ATP2B4: variants seen among roughly 807,000 people sequenced by gnomAD.
The protein encoded by ATP2B4 is plasma membrane calcium-transporting ATPase 4.
ATP2B4 carries 39 observed loss-of-function variants against 110.3 expected under a neutral mutation model. That is an observed-to-expected ratio of 0.35 (90% confidence interval 0.27 to 0.46). ATP2B4 has a LOEUF of 0.46. Ranked by LOEUF, ATP2B4 falls within the 20% of genes least tolerant of loss-of-function variation. ATP2B4 has a pLI of 1.00. For missense variants in ATP2B4, 1,135 were observed against 1,530.9 expected (o/e 0.74, Z 4.32); for synonymous variants, 538 against 571.7 (o/e 0.94, Z 0.84).
At position 203,709,513 on chromosome 1, in the gene ATP2B4, C is replaced by T. The variant is rs1287944017; in HGVS notation, c.1770C>T (p.Ser590=). The T allele has an allele frequency of 6.2e-7, 1 of 1,614,184 alleles. No homozygotes were observed. Among genetic ancestry groups the T allele is most frequent in the East Asian group, 2.2e-5 (1 of 44,872 alleles). The change falls in exon 11 of 21, where the codon AGC becomes AGT. Residue 590 remains serine, a synonymous_variant. Coordinates refer to ENST00000357681, the MANE Select transcript of ATP2B4 (RefSeq NM_001684.5). ...CCAACGGTGGCTTCCGTATGTACAG[C>T]AAGGGCGCCTCTGAGATCATCTTGC... ...RNPNGGFRMY[S]KGASEIILRK...
chr1:203,659,290 C>T (rs1308706929), intron 1 of ATP2B4, among the ~76,000 whole-genome samples: 1 of 152,134 alleles, frequency 6.6e-6, no homozygotes, highest in Non-Finnish European at 1.5e-5. Flanking sequence ...TTGAGTAGCT[C>T]TTGTATTAAT....
intron 20 of ATP2B4, among the ~76,000 whole-genome samples, chr1:203,738,804 C>T (rs941378640): frequency 1.3e-5 from 2 of 152,216 alleles, no homozygotes; most frequent in African/African-American, 4.8e-5. Flanking sequence ...ATTTTATCTG[C>T]TGCTTCTAGG....
chr1:203,669,283 G>A (rs1158121564), intron 1 of ATP2B4, among the ~76,000 whole-genome samples: 1 of 152,180 alleles, frequency 6.6e-6, no homozygotes, highest in Admixed American at 6.5e-5. Flanking sequence ...CAGATCAAGG[G>A]AGATGTGCCA....
intron 1 of ATP2B4, among the ~76,000 whole-genome samples, chr1:203,642,260 T>A (rs879464733): frequency 9.1e-4 from 138 of 151,602 alleles, no homozygotes; most frequent in Non-Finnish European, 1.5e-3. Flanking sequence ...TAAAAAAAAA[T>A]TTTTTTTAGA....
intron 1 of ATP2B4, among the ~76,000 whole-genome samples, chr1:203,632,670 C>T (rs1348015314): frequency 6.6e-6 from 1 of 150,402 alleles, no homozygotes; most frequent in African/African-American, 2.4e-5. Context: ...AACCTTCATT[C>T]CCTGATTCTA....
At chr1:203,721,777 G>A (rs144926995) in intron 17 of ATP2B4, among the ~76,000 whole-genome samples, 1,991 of 149,348 alleles carry the variant, frequency 0.013, 18 homozygotes, top group Non-Finnish European at 0.021. Flanking sequence ...ATTTTCCTGC[G>A]TCAGCCTCCC....
chr1:203,663,970 C>T (rs1050960291), intron 1 of ATP2B4, among the ~76,000 whole-genome samples: 2 of 152,156 alleles, frequency 1.3e-5, no homozygotes, highest in Non-Finnish European at 2.9e-5. Context: ...TAGGCTCTTC[C>T]TGTGGTTGCA....
chr1:203,711,175 C>A, intron 12 of ATP2B4, 67 bp downstream of exon 12: 2 of 1,493,028 alleles, frequency 1.3e-6, no homozygotes, highest in Non-Finnish European at 1.9e-6. Context: ...CTAGTTGTGA[C>A]CCCAGGCAGG....
intron 1 of ATP2B4, among the ~76,000 whole-genome samples, chr1:203,631,059 C>T (rs914242040): frequency 6.6e-6 from 1 of 152,210 alleles, no homozygotes. Context: ...CTGCCTCTAC[C>T]TTAAGCCAGT....
At position 203,709,495 on chromosome 1, in the gene ATP2B4, T is replaced by C. The variant is rs765491727; in HGVS notation, c.1752T>C (p.Gly584=). 1 of 1,614,104 alleles carries C rather than the reference T, an allele frequency of 6.2e-7. No homozygotes were observed. Among genetic ancestry groups the C allele is most frequent in the South Asian group, 1.1e-5 (1 of 91,080 alleles). Residue 584 remains glycine (G), a synonymous_variant, in exon 11 of 21, where the codon GGT becomes GGC. Coordinates refer to ENST00000357681, the MANE Select transcript of ATP2B4 (RefSeq NM_001684.5). ...SMSTVIRNPN[G]GFRMYSKGAS... is the part of the protein sequence containing the mutation. ...GCACCGTCATCAGGAATCCCAACGGTGGCTTCCGTATGTACAGCAAGGGCG... is the reference window on the plus strand; with the variant it reads ...GCACCGTCATCAGGAATCCCAACGGCGGCTTCCGTATGTACAGCAAGGGCG...
intron 13 of ATP2B4, among the ~76,000 whole-genome samples, chr1:203,712,614 G>T (rs1198014437): frequency 1.3e-5 from 2 of 151,476 alleles, no homozygotes; most frequent in African/African-American, 4.8e-5. Flanking sequence ...AAAAGAGGGG[G>T]GGAGTTGCTT....
intron 1 of ATP2B4, among the ~76,000 whole-genome samples, chr1:203,641,726 C>T (rs1663636344): frequency 6.6e-6 from 1 of 152,196 alleles, no homozygotes; most frequent in African/African-American, 2.4e-5. Context: ...GCCCAGAGAT[C>T]ATCTGGCTCA....
At chr1:203,707,733 T>G in intron 9 of ATP2B4, 129 bp from the exon 10 acceptor site, 14 of 1,273,948 alleles carry the variant, frequency 1.1e-5, no homozygotes, top group Non-Finnish European at 1.3e-5. Context: ...ACCCAGTCAG[T>G]ATCTTGGATT....
chr1:203,712,267 T>A, intron 13 of ATP2B4, 128 bp downstream of exon 13: 1 of 1,127,866 alleles, frequency 8.9e-7, no homozygotes, highest in Non-Finnish European at 1.2e-6. Flanking sequence ...TAGTGAAACA[T>A]CTCCTTGTAC....
intron 9 of ATP2B4, among the ~76,000 whole-genome samples, chr1:203,707,465 A>G (rs923200622): frequency 1.4e-5 from 2 of 146,090 alleles, no homozygotes; most frequent in Non-Finnish European, 3.0e-5. Flanking sequence ...TTTTTTTTTT[A>G]AGACAGAGTC....
chr1:203,687,252 A>G (rs1314373961), intron 2 of ATP2B4, among the ~76,000 whole-genome samples: 4 of 52,848 alleles, frequency 7.6e-5, no homozygotes, highest in African/African-American at 1.7e-4. Flanking sequence ...AGAAAAAAAT[A>G]AGAAAGAAAA....
At chr1:203,732,210 CCT>C (rs1666747259) in intron 20 of ATP2B4, among the ~76,000 whole-genome samples, 1 of 151,742 alleles carries the variant, frequency 6.6e-6, no homozygotes, top group Non-Finnish European at 1.5e-5. Context: ...GCATTAATTG[CCT>C]CTGTCTCTGA....
At chr1:203,706,433 T>C (rs939088817) in intron 8 of ATP2B4, among the ~76,000 whole-genome samples, 1 of 152,236 alleles carries the variant, frequency 6.6e-6, no homozygotes, top group African/African-American at 2.4e-5. Flanking sequence ...TTTACTATTA[T>C]TGGCATCTTC....
intron 1 of ATP2B4, among the ~76,000 whole-genome samples, chr1:203,632,125 G>T (rs1218888049): frequency 6.6e-6 from 1 of 151,300 alleles, no homozygotes; most frequent in Non-Finnish European, 1.5e-5. Flanking sequence ...GAAATCATTG[G>T]AAACTATCCA....
Sources: allele counts gnomAD v4.1 joint callset (sites outside exome capture counted in the v4.1 genomes callset), GRCh38; gene constraint gnomAD v4.1.1; transcripts MANE v1.5; gene names NCBI Gene and HGNC (gene_info 2026-07-23, HGNC 2026-07-21).